ZNF273: variants seen among roughly 807,000 people sequenced by gnomAD.
ZNF273 encodes zinc finger protein 9.
ZNF273 carries 11 observed loss-of-function variants against 14.9 expected under a neutral mutation model. The ratio of observed to expected loss-of-function variants is 0.74; its 90% confidence interval spans 0.46 to 1.22. The LOEUF (loss-of-function observed/expected upper bound fraction) is 1.22. Among genes scored for constraint, ZNF273 ranks in the 50% most tolerant of loss-of-function variants. The pLI is 0.00. For synonymous variants in ZNF273, 199 were observed against 223.9 expected (o/e 0.89, Z 0.99); for missense variants, 577 against 660.6 (o/e 0.87, Z 1.39).
At position 64,903,382 on chromosome 7, in the gene ZNF273, C is replaced by T; in HGVS notation, c.65C>T (p.Thr22Ile). Residue 22 changes from threonine to isoleucine, a missense_variant, in exon 1 of 4, where the codon ACA becomes ATA. Thr to Ile is a moderately conservative substitution (Grantham distance 89). Coordinates refer to ENST00000476120, the MANE Select transcript of ZNF273 (RefSeq NM_021148.3). ...APLPAGIGRS[T>I]AKTPGLPGSL... ...TTACCTGCAGGTATTGGGAGATCCA[C>T]AGCTAAGACGCCAGGACTCCCTGGA... The T allele has an allele frequency of 6.2e-7, 1 of 1,613,580 alleles. No homozygotes were observed. The highest frequency in any genetic ancestry group is 8.5e-7 in the Non-Finnish European group (1 of 1,179,598).
At chr7:64,898,874 C>T (rs527846388), upstream of ZNF273, among the ~76,000 whole-genome samples, 4 of 152,162 alleles carry the variant, frequency 2.6e-5, no homozygotes, top group African/African-American at 4.8e-5. Context: ...TTACTGAATC[C>T]GGTCATACTG....
At chr7:64,927,168 C>G (rs1489660947) in intron 3 of ZNF273, among the ~76,000 whole-genome samples, 1 of 152,232 alleles carries the variant, frequency 6.6e-6, no homozygotes. Context: ...TCTCAGCTCA[C>G]TGCAGCCTCT....
chr7:64,920,840 C>A (rs936017885), intron 3 of ZNF273, among the ~76,000 whole-genome samples: 7 of 145,210 alleles, frequency 4.8e-5, no homozygotes, highest in Non-Finnish European at 1.1e-4. Context: ...GATTCTCCAA[C>A]CTTAAAGTAC....
chr7:64,890,676 G>C (rs1035054762), downstream of ZNF273, among the ~76,000 whole-genome samples: 2 of 152,194 alleles, frequency 1.3e-5, no homozygotes, highest in Non-Finnish European at 2.9e-5. Context: ...GAGCATGAGA[G>C]TCCTCTGAGC....
chr7:64,889,396 C>T, downstream of ZNF273: 1 of 982,876 alleles, frequency 1.0e-6, no homozygotes, highest in Non-Finnish European at 1.2e-6. This position sits in a 1 kb window ranked among gnomAD's most constrained non-coding sequence, Gnocchi z 4.2. Context: ...CCGTGCGGCT[C>T]CTGCGGGTGA....
downstream of ZNF273, among the ~76,000 whole-genome samples, chr7:64,894,847 G>A (rs1035988452): frequency 3.3e-5 from 5 of 151,916 alleles, no homozygotes; most frequent in Admixed American, 6.6e-5. Context: ...ACGAAAGATC[G>A]GGCCGGGCAC....
At chr7:64,899,927 A>G (rs1792586197), upstream of ZNF273, among the ~76,000 whole-genome samples, 1 of 148,802 alleles carries the variant, frequency 6.7e-6, no homozygotes. Flanking sequence ...AGCCTGGCTA[A>G]TTTTGTATTT....
chr7:64,922,353 G>T (rs539324972), intron 3 of ZNF273, among the ~76,000 whole-genome samples: 1 of 151,516 alleles, frequency 6.6e-6, no homozygotes, highest in South Asian at 2.1e-4. Context: ...CCCGGAGACA[G>T]AGTCTCCCTC....
downstream of ZNF273, chr7:64,889,792 T>G: frequency 1.0e-6 from 1 of 983,246 alleles, no homozygotes; most frequent in Non-Finnish European, 1.2e-6. This position sits in a 1 kb window ranked among gnomAD's most constrained non-coding sequence, Gnocchi z 4.2. Context: ...CCCCTGCACT[T>G]GCATTTTATT....
intron 1 of ZNF273, chr7:64,917,069 T>G: frequency 7.8e-7 from 1 of 1,286,268 alleles, no homozygotes; most frequent in Non-Finnish European, 1.0e-6. Context: ...TTCCACTTAC[T>G]GGATGTTTGA....
chr7:64,880,406 G>A (rs1239981447), downstream of ZNF273, among the ~76,000 whole-genome samples: 1 of 152,086 alleles, frequency 6.6e-6, no homozygotes, highest in Non-Finnish European at 1.5e-5. Flanking sequence ...CCCAGGAGGG[G>A]CTTCCTGGCG....
downstream of ZNF273, among the ~76,000 whole-genome samples, chr7:64,932,957 A>G (rs1461296684): frequency 6.6e-6 from 1 of 151,996 alleles, no homozygotes; most frequent in Non-Finnish European, 1.5e-5. Flanking sequence ...TCTTTTCCCT[A>G]TTAATATTAC....
chr7:64,936,813 A>G, the ZNF273 span, among the ~76,000 whole-genome samples: 16,710 of 152,228 alleles, frequency 0.11, 1,016 homozygotes, highest in East Asian at 0.22. Flanking sequence ...TAAAATGGCA[A>G]TAGCACCATG....
At chr7:64,931,742 C>T (rs1467585578), downstream of ZNF273, among the ~76,000 whole-genome samples, 3 of 152,072 alleles carry the variant, frequency 2.0e-5, no homozygotes, top group Admixed American at 1.3e-4. Context: ...CATGACAGTG[C>T]TTGATCTATA....
downstream of ZNF273, among the ~76,000 whole-genome samples, chr7:64,892,678 C>T (rs1792107633): frequency 6.6e-6 from 1 of 152,136 alleles, no homozygotes. Flanking sequence ...CTGCAGGATC[C>T]ACAGTGAAAT....
chr7:64,927,144 G>A (rs1034040962), intron 3 of ZNF273, among the ~76,000 whole-genome samples: 1 of 152,290 alleles, frequency 6.6e-6, no homozygotes, highest in South Asian at 2.1e-4. Context: ...CCAGGCTGAA[G>A]TCCAATGGCG....
intron 1 of ZNF273, among the ~76,000 whole-genome samples, chr7:64,915,279 T>C (rs900848170): frequency 6.6e-6 from 1 of 151,974 alleles, no homozygotes; most frequent in Non-Finnish European, 1.5e-5. Context: ...ACCAGCTCGG[T>C]CAGGGAGAAC....
At chr7:64,888,246 G>A (rs1791724708) in intron 1 of ZNF273, 3 of 968,854 alleles carry the variant, frequency 3.1e-6, no homozygotes, top group Non-Finnish European at 2.5e-6. Flanking sequence ...GCCAGAGGAG[G>A]GCGCTCCCTC....
chr7:64,882,108 T>C (rs556185745), downstream of ZNF273, among the ~76,000 whole-genome samples: 1 of 152,250 alleles, frequency 6.6e-6, no homozygotes, highest in African/African-American at 2.4e-5. Context: ...AGGGAGGCCG[T>C]GAGCTCAAGG....
Sources: gnomAD v4.1 joint callset for allele counts (sites outside exome capture counted in the v4.1 genomes callset) on GRCh38, gnomAD v4.1.1 for gene constraint, Gnocchi (gnomAD v3.1) non-coding constraint, MANE v1.5 for transcripts, NCBI Gene and HGNC (gene_info 2026-07-23, HGNC 2026-07-21) for gene names.